HSPA4: variants seen among roughly 807,000 people sequenced by gnomAD.
HSPA4 encodes the protein heat shock protein family A (Hsp70) member 4, also known as heat shock 70 kDa protein 4.
A neutral mutation model predicts 106.2 loss-of-function variants in HSPA4; 25 were observed. The ratio of observed to expected loss-of-function variants is 0.24; its 90% confidence interval spans 0.17 to 0.33. The LOEUF is 0.33. HSPA4 is among the 10% of genes least tolerant of loss of function. The pLI, the probability that HSPA4 is intolerant of heterozygous loss-of-function variation, is 1.00. For synonymous variants in HSPA4, 332 were observed against 333.6 expected (o/e 1.00, Z 0.05); for missense variants, 841 against 996.0 (o/e 0.84, Z 2.10).
intron 10 of HSPA4, 62 bp downstream of exon 10, chr5:133,089,223 T>C (rs890934438): frequency 1.1e-6 from 1 of 913,524 alleles, no homozygotes; most frequent in African/African-American, 1.7e-5. Context: ...CTGAGTAATA[T>C]GTTGCTTTTC....
At position 133,089,656 on chromosome 5, in the gene HSPA4, A is replaced by T. The variant is rs185606092; in HGVS notation, c.1339A>T (p.Ser447Cys). 1.2e-6 allele frequency: 2 copies of T among 1,611,494 alleles called. No individual in the cohort carries two copies. The highest frequency in any genetic ancestry group is 3.3e-5 in the Admixed American group (2 of 59,844). Residue 447 changes from serine (S) to cysteine (C), a missense_variant, in exon 11 of 19, where the codon AGC (serine) becomes TGC (cysteine). Physicochemically the swap from Ser to Cys is moderately radical, Grantham distance 112 (BLOSUM62 -1). This residue lies in a region of HSPA4 where 162 missense variants were observed against 177.7 expected (regional missense o/e 0.91). Transcript: ENST00000304858. Reference sequence around the variant, plus strand: ...ACCTTTCACTCTTGAGGCCTACTACAGCTCTCCTCAGGATTTGCCCTATCC... The same window carrying T: ...ACCTTTCACTCTTGAGGCCTACTACTGCTCTCCTCAGGATTTGCCCTATCC... ...KEPFTLEAYY[S>C]SPQDLPYPDP...
At chr5:133,100,347 G>T (rs1403530279) in intron 16 of HSPA4, among the ~76,000 whole-genome samples, 8 of 151,772 alleles carry the variant, frequency 5.3e-5, no homozygotes, top group African/African-American at 1.9e-4. Context: ...GGAATTATAG[G>T]TGTGAGCCAC....
Position 133,076,557 on chromosome 5 carries a change from C to CT in HSPA4, c.664-88dup, listed in dbSNP as rs902685151. Reference sequence around the variant, plus strand: ...TTTTAACCTTAATGTAACCCTCCCTCTTTTTTTTTAGATAAACAACTTACC... The same window carrying CT: ...TTTTAACCTTAATGTAACCCTCCCTCTTTTTTTTTTAGATAAACAACTTACC... On this transcript the variant is annotated intron_variant, in intron 6 of 18. Coordinates refer to ENST00000304858, the MANE Select transcript of HSPA4 (RefSeq NM_002154.4). 1.2e-3 allele frequency: 1,294 copies of CT among 1,059,224 alleles called. 1 individual carries two copies. Among genetic ancestry groups the CT allele is most frequent in the South Asian group, 3.0e-3 (186 of 61,584 alleles). 65.6% of individuals were successfully genotyped at this position (1,059,224 alleles called of 1,614,324 possible).
chr5:133,092,796 A>C lies in HSPA4; in HGVS notation c.1650+7A>C. ...AGAGTCTGAAGAAATGGAGGTATGC[A>C]TTGGGTGGTGTTTTTTTTTTTTTTT... is the stretch of plus-strand genomic sequence containing the variant. On this transcript the variant is annotated splice_region_variant and intron_variant, in intron 13 of 18. Transcript: ENST00000304858. 1.2e-6 allele frequency: 1 copy of C among 834,498 alleles called. No individual in the cohort carries two copies. Among genetic ancestry groups the C allele is most frequent in the Non-Finnish European group, 1.9e-6 (1 of 525,538 alleles). The allele number at this position is 834,498 out of a possible 1,614,324, so 51.7% of individuals were successfully genotyped here. A position where few individuals can be genotyped will look rare whatever the true frequency, so the allele number is the denominator to read the frequency against.
intron 15 of HSPA4, among the ~76,000 whole-genome samples, chr5:133,098,598 C>T (rs1441617908): frequency 6.6e-6 from 1 of 152,064 alleles, no homozygotes; most frequent in Non-Finnish European, 1.5e-5. Flanking sequence ...GCTGGGATTA[C>T]AGGCGTGAGT....
At chr5:133,081,400 CTT>C (rs1401739456) in intron 7 of HSPA4, among the ~76,000 whole-genome samples, 2 of 152,170 alleles carry the variant, frequency 1.3e-5, no homozygotes, top group African/African-American at 4.8e-5. Context: ...TTCCCTCCCT[CTT>C]TTGTGTTTAC....
At chr5:133,079,423 C>T (rs1765488047) in intron 7 of HSPA4, among the ~76,000 whole-genome samples, 1 of 152,170 alleles carries the variant, frequency 6.6e-6, no homozygotes, top group African/African-American at 2.4e-5. Flanking sequence ...GTTCTGACTT[C>T]TCAGTGTAAT....
At chr5:133,054,294 C>T (rs1340892193) in intron 1 of HSPA4, among the ~76,000 whole-genome samples, 1 of 151,960 alleles carries the variant, frequency 6.6e-6, no homozygotes, top group Non-Finnish European at 1.5e-5. Flanking sequence ...CCTCCGCCTC[C>T]TGGGTTCAAG....
intron 14 of HSPA4, among the ~76,000 whole-genome samples, 185 bp downstream of exon 14, chr5:133,096,435 A>T (rs564126147): frequency 2.0e-5 from 3 of 152,218 alleles, no homozygotes; most frequent in Non-Finnish European, 2.9e-5. Flanking sequence ...CAATTCTTTT[A>T]TGGTGGTACT....
intron 9 of HSPA4, 21 bp from the exon 10 acceptor site, chr5:133,089,034 T>C: frequency 7.0e-7 from 1 of 1,436,690 alleles, no homozygotes; most frequent in Non-Finnish European, 9.6e-7. Flanking sequence ...TAAACGGAAT[T>C]TTTGAAAATT....
intron 7 of HSPA4, among the ~76,000 whole-genome samples, chr5:133,085,659 T>C (rs1765570005): frequency 6.6e-6 from 1 of 151,468 alleles, no homozygotes; most frequent in Non-Finnish European, 1.5e-5. Context: ...AAACTCCGTC[T>C]GAAAAAAAGC....
rs1202115684 is a variant in HSPA4 at position 133,052,619 on chromosome 5, A to G, written c.107+262A>G. 10 of 436,458 alleles carry G rather than the reference A, an allele frequency of 2.3e-5. No individual in the cohort carries two copies. In the East Asian group the frequency reaches 2.6e-4, roughly 12 times the overall value. The allele number at this position is 436,458 out of a possible 1,614,324, so 27.0% of individuals were successfully genotyped here. On this transcript the variant is annotated intron_variant, in intron 1 of 18. Coordinates refer to ENST00000304858, the MANE Select transcript of HSPA4 (RefSeq NM_002154.4). ...AAGGCTTCTGGCCGGTACTCGGACC[A>G]GCGGAGGGCACGGGTAGGAACTGGA...
chr5:133,096,740 A>T (rs552184954), intron 14 of HSPA4, among the ~76,000 whole-genome samples: 1 of 152,200 alleles, frequency 6.6e-6, no homozygotes, highest in Non-Finnish European at 1.5e-5. Flanking sequence ...ATTTTTGTCT[A>T]TGAGGTTTCT....
chr5:133,074,003 A>G lies in HSPA4; in HGVS notation c.540A>G (p.Ala180=), dbSNP rs1269266075. 3.2e-6 allele frequency: 5 copies of G among 1,574,336 alleles called. No individual in the cohort carries two copies. The highest frequency in any genetic ancestry group is 3.4e-6 in the Non-Finnish European group (4 of 1,166,248). The change falls in exon 6 of 19, where the codon GCA becomes GCG. Residue 180 remains alanine (A), a synonymous_variant. Coordinates refer to ENST00000304858, the MANE Select transcript of HSPA4 (RefSeq NM_002154.4). ...LMNETTAVAL[A]YGIYKQDLPA... ...TTTTTTCTTCTGTAGTTGCTCTTGCATATGGAATCTATAAGCAGGATCTTC... is the reference window on the plus strand; with the variant it reads ...TTTTTTCTTCTGTAGTTGCTCTTGCGTATGGAATCTATAAGCAGGATCTTC...
chr5:133,079,953 G>C (rs1765493347), intron 7 of HSPA4, among the ~76,000 whole-genome samples: 1 of 152,164 alleles, frequency 6.6e-6, no homozygotes, highest in African/African-American at 2.4e-5. Flanking sequence ...ACTTTAGCTG[G>C]ATAGAACATT....
intron 4 of HSPA4, 80 bp downstream of exon 4, chr5:133,070,576 G>GT (rs1300043120): frequency 3.9e-6 from 6 of 1,530,114 alleles, no homozygotes; most frequent in African/African-American, 2.8e-5. Flanking sequence ...AAGTAAACTT[G>GT]TTTTTTTGTC....
At chr5:133,099,906 CAA>C (rs1393782691) in intron 16 of HSPA4, among the ~76,000 whole-genome samples, 6 of 152,040 alleles carry the variant, frequency 3.9e-5, no homozygotes, top group Admixed American at 2.6e-4. Context: ...TTCTTGGTGT[CAA>C]GAGATAAAAT....
intron 2 of HSPA4, among the ~76,000 whole-genome samples, chr5:133,067,147 T>C (rs192289397): frequency 1.1e-4 from 17 of 152,286 alleles, no homozygotes; most frequent in Middle Eastern, 3.4e-3. Context: ...GAACAGAAAA[T>C]ACTTATGCAA....
intron 17 of HSPA4, among the ~76,000 whole-genome samples, chr5:133,102,343 G>A (rs77319646): frequency 0.14 from 21,859 of 152,106 alleles, 1,993 homozygotes; most frequent in Middle Eastern, 0.3. Flanking sequence ...GTTTTATAGC[G>A]TCTTAATAAG....
Sources: gnomAD v4.1 joint callset for allele counts (sites outside exome capture counted in the v4.1 genomes callset) on GRCh38, gnomAD v4.1.1 for gene constraint, gnomAD v4.1.1 regional missense constraint, MANE v1.5 for transcripts, NCBI Gene and HGNC (gene_info 2026-07-23, HGNC 2026-07-21) for gene names.